The following TMEM255B variants were observed in gnomAD, a reference collection of about 807,000 sequenced individuals.
TMEM255B encodes family with sequence similarity 70, member B.
In TMEM255B, 35 loss-of-function variants were observed where a neutral mutation model predicts 34.5. That is an observed-to-expected ratio of 1.01 (90% CI 0.77 to 1.34). TMEM255B has a LOEUF of 1.34. Among genes scored for constraint, TMEM255B ranks in the 40% most tolerant of loss-of-function variants. TMEM255B has a pLI of 0.00. For missense variants in TMEM255B, 432 were observed against 433.2 expected (o/e 1.00, Z 0.02); for synonymous variants, 206 against 201.2 (o/e 1.02, Z -0.20).
In TMEM255B at chr13:113,814,980, T is replaced by C. The variant is rs1400613291; in HGVS notation, c.*3077T>C. 6.6e-6 allele frequency: 1 copy of C among 151,868 alleles called. No individual in the cohort carries two copies. Among genetic ancestry groups the C allele is most frequent in the African/African-American group, 2.4e-5 (1 of 41,310 alleles). The allele number at this position is 151,868 out of a possible 1,614,324, so 9.4% of individuals were successfully genotyped here. On this transcript the variant is annotated 3_prime_UTR_variant, in exon 9 of 9. Coordinates refer to ENST00000375353, the MANE Select transcript of TMEM255B (RefSeq NM_182614.4). ...TGGGACAGCACAGGAGACAGGCTTCTCCTGCAGCTCAGAGGTGGGGGCCTA... is the reference window on the plus strand; with the variant it reads ...TGGGACAGCACAGGAGACAGGCTTCCCCTGCAGCTCAGAGGTGGGGGCCTA...
At chr13:113,791,387 C>G (rs939581601) in intron 3 of TMEM255B, among the ~76,000 whole-genome samples, 3 of 152,246 alleles carry the variant, frequency 2.0e-5, no homozygotes, top group African/African-American at 7.2e-5. Flanking sequence ...ACGCTGGATC[C>G]TCCTGGGATG....
intron 3 of TMEM255B, among the ~76,000 whole-genome samples, chr13:113,781,105 T>G (rs2050660126): frequency 6.6e-6 from 1 of 152,218 alleles, no homozygotes. Context: ...CAATTCTTAA[T>G]AAAACTTTAT....
At chr13:113,804,488 C>G (rs556805156) in intron 7 of TMEM255B, among the ~76,000 whole-genome samples, 1 of 152,214 alleles carries the variant, frequency 6.6e-6, no homozygotes, top group Non-Finnish European at 1.5e-5. Context: ...GAGCCCGAGC[C>G]GAGCGGTCAC....
Position 113,800,301 on chromosome 13 carries a change from C to CTGTGTGTGTGTGTGTG in TMEM255B, c.424-500_424-485dup, listed in dbSNP as rs1220505809. Among the ~76,000 whole-genome samples the CTGTGTGTGTGTGTGTG allele has an allele frequency of 7.9e-4, 77 of 97,090 alleles. 1 individual carries two copies. Among genetic ancestry groups the CTGTGTGTGTGTGTGTG allele is most frequent in the South Asian group, 1.7e-3 (4 of 2,396 alleles). The allele number at this position is 97,090 out of a possible 152,430, so 63.7% of individuals were successfully genotyped here. The stretch of plus-strand genomic sequence containing the variant: ...GTGTGTGTGTCAGGGGAGGCGTCCT[C>CTGTGTGTGTGTGTGTG]TGTGTGTGTGTGTGTGTGTGTGTGT... On this transcript the variant is annotated intron_variant, in intron 5 of 8. Transcript: ENST00000375353.
At chr13:113,809,040 G>T (rs190679302) in intron 8 of TMEM255B, among the ~76,000 whole-genome samples, 5 of 136,784 alleles carry the variant, frequency 3.7e-5, no homozygotes, top group African/African-American at 8.3e-5. Context: ...GTGGTTTTTG[G>T]GGGGAGGTTA....
intron 3 of TMEM255B, among the ~76,000 whole-genome samples, chr13:113,776,599 G>A (rs982869179): frequency 3.3e-5 from 5 of 152,220 alleles, no homozygotes; most frequent in African/African-American, 9.6e-5. Flanking sequence ...CTCGCCTCAG[G>A]ACGCCTGTTT....
chr13:113,779,557 C>T (rs1301454643), intron 3 of TMEM255B, among the ~76,000 whole-genome samples: 1 of 150,008 alleles, frequency 6.7e-6, no homozygotes, highest in African/African-American at 2.5e-5. Context: ...GTTTTGGGGC[C>T]ATAGAGGGAG....
At chr13:113,799,955 A>G in intron 5 of TMEM255B, 1 of 1,290,252 alleles carries the variant, frequency 7.8e-7, no homozygotes, top group Non-Finnish European at 1.0e-6. Flanking sequence ...AACTAAACGC[A>G]GCCTCTCATC....
In TMEM255B at chr13:113,801,687, G is replaced by T. The variant is rs149213526; in HGVS notation, c.544G>T (p.Gly182Cys). The part of the protein sequence containing the change: ...EPSPAYYEFI[G>C]VSGCQDVLHL... The stretch of plus-strand genomic sequence containing the variant: ...CTCGCCCGCCTACTATGAGTTCATC[G>T]GCGTCAGCGGCTGCCAGGACGTGCT... The change falls in exon 7 of 9, where the codon GGC (glycine) becomes TGC (cysteine). Residue 182 changes from glycine (G) to cysteine (C), a missense_variant. Gly to Cys is a radical substitution (Grantham distance 159). Transcript: ENST00000375353. 6.2e-7 allele frequency: 1 copy of T among 1,612,078 alleles called. No individual in the cohort carries two copies. Among genetic ancestry groups the T allele is most frequent in the Admixed American group, 1.7e-5 (1 of 59,914 alleles).
intron 5 of TMEM255B, among the ~76,000 whole-genome samples, chr13:113,800,429 G>A (rs556805188): frequency 6.6e-6 from 1 of 151,850 alleles, no homozygotes; most frequent in Non-Finnish European, 1.5e-5. Context: ...CTCAAGCCTG[G>A]GGGGAGAGCG....
Position 113,815,148 on chromosome 13 carries a change from A to G in TMEM255B, c.*3245A>G, listed in dbSNP as rs539513287. The G allele has an allele frequency of 6.6e-6, 1 of 152,326 alleles. No homozygotes were observed. Among genetic ancestry groups the G allele is most frequent in the Admixed American group, 6.5e-5 (1 of 15,286 alleles). The allele number at this position is 152,326 out of a possible 1,614,324, so 9.4% of individuals were successfully genotyped here. On this transcript the variant is annotated 3_prime_UTR_variant, in exon 9 of 9. Transcript: ENST00000375353. ...CTGCCTCAGTTTCTACATTTCACAC[A>G]GCAGCACTGCTCACAAGAGCTCCCA...
Position 113,805,035 on chromosome 13 carries a change from C to T in TMEM255B, c.813+7C>T. 6.3e-7 allele frequency: 1 copy of T among 1,590,720 alleles called. No individual in the cohort carries two copies. The highest frequency in any genetic ancestry group is 8.5e-7 in the Non-Finnish European group (1 of 1,170,172). Reference sequence around the variant, plus strand: ...CTACCCTCTGCCCCTTCAGGTAGGGCCAGCATCACCTGCTGGAGTTGGACG... The same window carrying T: ...CTACCCTCTGCCCCTTCAGGTAGGGTCAGCATCACCTGCTGGAGTTGGACG... On this transcript the variant is annotated splice_region_variant and intron_variant, in intron 8 of 8. Transcript: ENST00000375353.
rs1405951057 is a variant in TMEM255B, at chr13:113,815,269, ACGTGGGGT to A, written c.*3368_*3375del. The A allele has an allele frequency of 1.6e-3, 235 of 151,384 alleles. 1 individual carries two copies. The highest frequency in any genetic ancestry group is 5.4e-3 in the African/African-American group (221 of 41,194). 9.4% of individuals were successfully genotyped at this position (151,384 alleles called of 1,614,324 possible). On this transcript the variant is annotated 3_prime_UTR_variant, in exon 9 of 9. Transcript: ENST00000375353. ...AAGGGACATGGGTGACGGTCCGTCCACGTGGGGTCACCGGCCACGGAGAGAGGAAGGGA... is the reference window on the plus strand; with the variant it reads ...AAGGGACATGGGTGACGGTCCGTCCACACCGGCCACGGAGAGAGGAAGGGA...
intron 2 of TMEM255B, chr13:113,768,128 C>A (rs573919582): frequency 2.2e-6 from 1 of 454,262 alleles, no homozygotes; most frequent in African/African-American, 2.0e-5. Flanking sequence ...AAGGCTGTGC[C>A]GGGCGGGCCA....
intron 3 of TMEM255B, among the ~76,000 whole-genome samples, chr13:113,783,876 A>T (rs117544793): frequency 6.6e-6 from 1 of 152,092 alleles, no homozygotes; most frequent in Non-Finnish European, 1.5e-5. Context: ...GGAGGAAGGG[A>T]AGACCTGGGG....
At chr13:113,795,449 C>T (rs1056858949) in intron 4 of TMEM255B, among the ~76,000 whole-genome samples, 2 of 151,906 alleles carry the variant, frequency 1.3e-5, no homozygotes, top group African/African-American at 2.4e-5. Context: ...CACCACACAA[C>T]ACACAGAGCA....
intron 1 of TMEM255B, among the ~76,000 whole-genome samples, chr13:113,765,459 C>T (rs372964378): frequency 2.0e-5 from 3 of 152,366 alleles, no homozygotes; most frequent in East Asian, 3.9e-4. Context: ...AGTGTGCGGT[C>T]TGCTTTCCCT....
chr13:113,808,796 G>GA (rs1555302350), intron 8 of TMEM255B, among the ~76,000 whole-genome samples: 1 of 110,282 alleles, frequency 9.1e-6, no homozygotes, highest in Non-Finnish European at 1.8e-5. Flanking sequence ...GGTTCCTGGG[G>GA]GGGGGGTTAC....
chr13:113,772,699 T>A (rs1196522524), intron 3 of TMEM255B, among the ~76,000 whole-genome samples: 3 of 152,254 alleles, frequency 2.0e-5, no homozygotes. Flanking sequence ...GCACCCTTGT[T>A]GAAAATTAAT....
Sources: gnomAD v4.1 joint callset for allele counts (sites outside exome capture counted in the v4.1 genomes callset) on GRCh38, gnomAD v4.1.1 for gene constraint, MANE v1.5 for transcripts, NCBI Gene and HGNC (gene_info 2026-07-23, HGNC 2026-07-21) for gene names.